Variants in PCDHGA7 observed in about 807,000 individuals in gnomAD.
PCDHGA7 encodes protocadherin gamma subfamily A, 7, also known as protocadherin gamma-A7.
Under a neutral mutation model 58.3 loss-of-function variants are expected in PCDHGA7, and 44 were observed. That is an observed-to-expected ratio of 0.75 (90% CI 0.59 to 0.97). PCDHGA7 has a LOEUF of 0.97. PCDHGA7 is among the 50% of genes least tolerant of loss of function. PCDHGA7 has a pLI of 0.00. For missense variants in PCDHGA7, 1,266 were observed against 1,188.7 expected (o/e 1.06, Z -0.96); for synonymous variants, 516 against 504.2 (o/e 1.02, Z -0.31).
chr5:141,393,051 C>G, intron 1 of PCDHGA7: 1 of 1,613,622 alleles, frequency 6.2e-7, no homozygotes, highest in South Asian at 1.1e-5. Flanking sequence ...TCTGAACCCG[C>G]GCAGCGGCAG....
At chr5:141,468,487 G>A (rs945439990) in intron 1 of PCDHGA7, 6 of 152,110 alleles carry the variant, frequency 3.9e-5, no homozygotes, top group African/African-American at 1.4e-4. Context: ...TAGGTCTCAT[G>A]GAAGATTTTC....
At chr5:141,417,628 A>T (rs2096139720) in intron 1 of PCDHGA7, 1 of 692,650 alleles carries the variant, frequency 1.4e-6, no homozygotes, top group Non-Finnish European at 2.3e-6. Context: ...GCAAGCGCTG[A>T]CGCCGGGGAT....
chr5:141,388,577 A>G, intron 1 of PCDHGA7: 1 of 1,613,868 alleles, frequency 6.2e-7, no homozygotes, highest in East Asian at 2.2e-5. Context: ...TACACGTTCT[A>G]GTGACTGATG....
chr5:141,477,898 AG>A lies in PCDHGA7; in HGVS notation c.2425-16907del. The stretch of plus-strand genomic sequence containing the variant: ...CTGGCCACCTAGTGTCACGGGTGGT[AG>A]GCTGGGACGCGGATGCAGGGCACAA... On this transcript the variant is annotated intron_variant, in intron 1 of 3. Coordinates refer to ENST00000518325, the MANE Select transcript of PCDHGA7 (RefSeq NM_018920.4). The surrounding 1 kb of genome is among the most constrained non-coding windows in gnomAD (Gnocchi z 4.9). The A allele has an allele frequency of 6.2e-7, 1 of 1,614,158 alleles. No individual in the cohort carries two copies. Among genetic ancestry groups the A allele is most frequent in the Non-Finnish European group, 8.5e-7 (1 of 1,180,036 alleles).
At chr5:141,400,999 TCCTA>T (rs1239504565) in intron 1 of PCDHGA7, among the ~76,000 whole-genome samples, 2 of 152,226 alleles carry the variant, frequency 1.3e-5, no homozygotes, top group African/African-American at 2.4e-5. Flanking sequence ...GCTTTCTTAT[TCCTA>T]CCTAATGGAT....
chr5:141,388,225 T>C, intron 1 of PCDHGA7: 1 of 1,604,858 alleles, frequency 6.2e-7, no homozygotes, highest in Non-Finnish European at 8.5e-7. Flanking sequence ...GAAAATCCAC[T>C]GAACTTTTAT....
chr5:141,507,012 G>A (rs2099857902), intron 3 of PCDHGA7: 1 of 152,208 alleles, frequency 6.6e-6, no homozygotes, highest in Admixed American at 6.5e-5. Flanking sequence ...AGAGAACCGA[G>A]AAGGCACTTG....
chr5:141,418,178 G>A, intron 1 of PCDHGA7: 1 of 1,614,080 alleles, frequency 6.2e-7, no homozygotes, highest in Non-Finnish European at 8.5e-7. Flanking sequence ...GTTGCAATTG[G>A]AAGCTGTGGT....
chr5:141,486,637 G>A lies in PCDHGA7; in HGVS notation c.2425-8170G>A, dbSNP rs761072169. On this transcript the variant is annotated intron_variant, in intron 1 of 3. Transcript: ENST00000518325. The surrounding 1 kb of genome is among the most constrained non-coding windows in gnomAD (Gnocchi z 5.0). ...CTGACCCAGACTCTGGCTTGAATGC[G>A]CTTATCTCCTACTCACTCCTGGAGC... 3.1e-5 allele frequency: 50 copies of A among 1,613,520 alleles called. No individual in the cohort carries two copies. The highest frequency in any genetic ancestry group is 5.0e-5 in the Admixed American group (3 of 60,000).
At chr5:141,401,129 G>A (rs1327832164) in intron 1 of PCDHGA7, among the ~76,000 whole-genome samples, 3 of 152,168 alleles carry the variant, frequency 2.0e-5, no homozygotes, top group African/African-American at 7.2e-5. Context: ...GGATCACATG[G>A]TCAGGAGTTC....
rs954948864 is a variant in PCDHGA7, at chr5:141,382,821, C to T, written c.-79C>T. On this transcript the variant is annotated 5_prime_UTR_variant, in exon 1 of 4. Transcript: ENST00000518325. ...GGATTCTGAGCTCCCCTTCCTAAGACAGAGGGGTCCACCCGGATACACCCG... is the reference window on the plus strand; with the variant it reads ...GGATTCTGAGCTCCCCTTCCTAAGATAGAGGGGTCCACCCGGATACACCCG... 3.1e-6 allele frequency: 4 copies of T among 1,306,294 alleles called. No homozygotes were observed. In the African/African-American group the frequency reaches 5.9e-5, roughly 19 times the overall value. The allele number at this position is 1,306,294 out of a possible 1,614,324, so 80.9% of individuals were successfully genotyped here. A position where few individuals can be genotyped will look rare whatever the true frequency, so the allele number is the denominator to read the frequency against.
At chr5:141,394,717 G>A (rs1403492553) in intron 1 of PCDHGA7, 1 of 1,613,320 alleles carries the variant, frequency 6.2e-7, no homozygotes, top group East Asian at 2.2e-5. Flanking sequence ...CTGCTGGACA[G>A]AGATGCGCTC....
intron 1 of PCDHGA7, among the ~76,000 whole-genome samples, chr5:141,467,680 T>A (rs75237059): frequency 6.6e-6 from 1 of 152,138 alleles, no homozygotes; most frequent in Non-Finnish European, 1.5e-5. Flanking sequence ...TTATTTTTTT[T>A]AGACAGGGTC....
At chr5:141,422,041 G>T in intron 1 of PCDHGA7, 3 of 1,611,632 alleles carry the variant, frequency 1.9e-6, no homozygotes, top group South Asian at 1.1e-5. Context: ...GGATCCAGAC[G>T]AGGGAATCAA....
In PCDHGA7 at chr5:141,490,682, C is replaced by T. The variant is rs1286126848; in HGVS notation, c.2425-4125C>T. On this transcript the variant is annotated intron_variant, in intron 1 of 3. Coordinates refer to ENST00000518325, the MANE Select transcript of PCDHGA7 (RefSeq NM_018920.4). The surrounding 1 kb of genome is among the most constrained non-coding windows in gnomAD (Gnocchi z 5.4). ...CTTTGCACTGTGGCTGCCTCAGATC[C>T]AGACACTGGGGATAATGCCCGCCTC... 10 of 1,614,054 alleles carry T rather than the reference C, an allele frequency of 6.2e-6. No homozygotes were observed. The highest frequency in any genetic ancestry group is 3.3e-5 in the Admixed American group (2 of 60,008).
Position 141,422,952 on chromosome 5 carries a change from C to T in PCDHGA7, c.2424+37629C>T, listed in dbSNP as rs759618535. 11 of 1,614,254 alleles carry T rather than the reference C, an allele frequency of 6.8e-6. No homozygotes were observed. The East Asian group carries it at 2.0e-4, about 29-fold the overall frequency. On this transcript the variant is annotated intron_variant, in intron 1 of 3. Coordinates refer to ENST00000518325, the MANE Select transcript of PCDHGA7 (RefSeq NM_018920.4). ...CCCTCCCCACAGACGGCTCCACTGG[C>T]GTGGAGCTGGCGCCCCGCTCTGCGG...
At chr5:141,465,649 A>C (rs1174371552) in intron 1 of PCDHGA7, among the ~76,000 whole-genome samples, 1 of 152,200 alleles carries the variant, frequency 6.6e-6, no homozygotes, top group African/African-American at 2.4e-5. Context: ...TGAACATCCC[A>C]AAAAAGCGCT....
intron 1 of PCDHGA7, among the ~76,000 whole-genome samples, chr5:141,470,714 T>C (rs1416956410): frequency 1.3e-5 from 2 of 152,152 alleles, no homozygotes; most frequent in Non-Finnish European, 2.9e-5. Context: ...TTTTATTTTT[T>C]TGAGTCAGGG....
chr5:141,415,953 T>C, intron 1 of PCDHGA7: 3 of 486,080 alleles, frequency 6.2e-6, no homozygotes, highest in Non-Finnish European at 9.4e-6. Context: ...TGGTCACATA[T>C]TGAAACTCCA....
Sources: gnomAD v4.1 joint callset for allele counts (sites outside exome capture counted in the v4.1 genomes callset) on GRCh38, gnomAD v4.1.1 for gene constraint, Gnocchi (gnomAD v3.1) non-coding constraint, MANE v1.5 for transcripts, NCBI Gene and HGNC (gene_info 2026-07-23, HGNC 2026-07-21) for gene names.